CNTN6: variants seen among roughly 807,000 people sequenced by gnomAD.
The protein encoded by CNTN6 is contactin 6.
A neutral mutation model predicts 122.8 loss-of-function variants in CNTN6; 137 were observed. That is an observed-to-expected ratio of 1.12 (90% CI 0.97 to 1.29). The LOEUF is 1.29. Ranked by LOEUF, CNTN6 falls within the 50% of genes most tolerant of loss-of-function variation. CNTN6 has a pLI of 0.00. For synonymous variants in CNTN6, 570 were observed against 426.0 expected (o/e 1.34, Z -4.16); for missense variants, 1,634 against 1,223.4 (o/e 1.34, Z -5.01).
At chr3:1,175,872 T>C (rs762051493) in intron 2 of CNTN6, among the ~76,000 whole-genome samples, 25 of 152,228 alleles carry the variant, frequency 1.6e-4, no homozygotes, top group Non-Finnish European at 3.2e-4. Context: ...TGGTATTGCA[T>C]TTTATATAGA....
At chr3:1,191,047 T>G (rs1173542848) in intron 2 of CNTN6, among the ~76,000 whole-genome samples, 1 of 152,192 alleles carries the variant, frequency 6.6e-6, no homozygotes, top group Non-Finnish European at 1.5e-5. Flanking sequence ...GCAGATAACA[T>G]AAGAAGAAAT....
chr3:1,156,266 G>A (rs2092959664), intron 2 of CNTN6, among the ~76,000 whole-genome samples: 1 of 152,144 alleles, frequency 6.6e-6, no homozygotes, highest in South Asian at 2.1e-4. Context: ...TGTTCATTCT[G>A]ATTAATCCTC....
At chr3:1,321,861 A>G (rs779986260) in intron 8 of CNTN6, 27 bp downstream of exon 8, 2 of 1,541,998 alleles carry the variant, frequency 1.3e-6, no homozygotes, top group Admixed American at 1.9e-5. Context: ...TCAAATATAT[A>G]TAAAATATTT....
At chr3:1,136,265 TACTC>T (rs1367331572) in intron 1 of CNTN6, among the ~76,000 whole-genome samples, 5 of 152,268 alleles carry the variant, frequency 3.3e-5, no homozygotes, top group African/African-American at 7.2e-5. Flanking sequence ...TTCTAAGACT[TACTC>T]AAACTACATT....
chr3:1,259,015 G>A (rs1003601417), intron 4 of CNTN6, among the ~76,000 whole-genome samples: 1 of 152,094 alleles, frequency 6.6e-6, no homozygotes, highest in Non-Finnish European at 1.5e-5. Context: ...ATGTGGCTGT[G>A]TTCCAATAAA....
chr3:1,351,527 G>T (rs1207673851), intron 11 of CNTN6, among the ~76,000 whole-genome samples: 1 of 144,168 alleles, frequency 6.9e-6, no homozygotes, highest in Non-Finnish European at 1.5e-5. Flanking sequence ...ATTTGATGGT[G>T]AATTTTTCAG....
intron 1 of CNTN6, among the ~76,000 whole-genome samples, chr3:1,112,238 G>C (rs1206032179): frequency 6.6e-6 from 1 of 152,090 alleles, no homozygotes; most frequent in Non-Finnish European, 1.5e-5. Flanking sequence ...TGTTAGTCAG[G>C]GTCCTCCAGA....
chr3:1,343,733 A>G (rs1704232051), intron 11 of CNTN6, among the ~76,000 whole-genome samples: 1 of 152,102 alleles, frequency 6.6e-6, no homozygotes, highest in Non-Finnish European at 1.5e-5. Context: ...TATATAGCAT[A>G]ATGTATTTAA....
chr3:1,235,067 A>G (rs779031984), intron 4 of CNTN6, among the ~76,000 whole-genome samples: 1 of 152,298 alleles, frequency 6.6e-6, no homozygotes, highest in Non-Finnish European at 1.5e-5. Context: ...CTGGAAATCT[A>G]TTTATGTGTC....
At chr3:1,242,816 G>C (rs114585646) in intron 4 of CNTN6, among the ~76,000 whole-genome samples, 7,233 of 152,206 alleles carry the variant, frequency 0.048, 216 homozygotes, top group East Asian at 0.083. Flanking sequence ...AACTAAAAAA[G>C]AGTCCATAAA....
chr3:1,327,835 A>G (rs1701755248), intron 10 of CNTN6, among the ~76,000 whole-genome samples: 3 of 151,928 alleles, frequency 2.0e-5, no homozygotes, highest in Admixed American at 2.0e-4. Context: ...TCCAAAGCTG[A>G]TTCTAGCATG....
rs13317622 is a variant in CNTN6 at position 1,132,199 on chromosome 3, C to T, written c.-82-15728C>T. Among the ~76,000 whole-genome samples the T allele has an allele frequency of 6.0e-3, 919 of 152,142 alleles. 7 individuals carry two copies. The highest frequency in any genetic ancestry group is 0.021 in the African/African-American group (862 of 41,504). On this transcript the variant is annotated intron_variant, in intron 1 of 22. Coordinates refer to ENST00000446702, the MANE Select transcript of CNTN6 (RefSeq NM_001289080.2). ...CTTTTACTCTAAAAACTCTGAATAA[C>T]ATCTTGTAATATGATCAATACTTTT...
chr3:1,354,298 T>C (rs1386572912), intron 12 of CNTN6, among the ~76,000 whole-genome samples: 3 of 149,002 alleles, frequency 2.0e-5, no homozygotes, highest in East Asian at 2.0e-4. Flanking sequence ...TCCATAAATC[T>C]AACCATAATC....
intron 6 of CNTN6, 93 bp from the exon 7 acceptor site, chr3:1,297,793 TAAG>T (rs1342036007): frequency 2.0e-5 from 19 of 938,326 alleles, no homozygotes; most frequent in Non-Finnish European, 3.1e-5. Flanking sequence ...TAACTCTTAT[TAAG>T]AAGAAATAAT....
At chr3:1,096,638 T>A (rs1002324701) in intron 1 of CNTN6, among the ~76,000 whole-genome samples, 2 of 152,218 alleles carry the variant, frequency 1.3e-5, no homozygotes, top group African/African-American at 4.8e-5. Context: ...CACAACCTTC[T>A]GTATTGTGAT....
At chr3:1,138,395 C>T (rs2092533591) in intron 1 of CNTN6, among the ~76,000 whole-genome samples, 1 of 151,936 alleles carries the variant, frequency 6.6e-6, no homozygotes, top group South Asian at 2.1e-4. Context: ...GCCACTTTTA[C>T]TCACTCTACT....
intron 7 of CNTN6, among the ~76,000 whole-genome samples, chr3:1,299,926 A>T (rs1696902945): frequency 6.6e-6 from 1 of 152,196 alleles, no homozygotes; most frequent in Non-Finnish European, 1.5e-5. Flanking sequence ...AAGACTTGGC[A>T]TTTATGTAAT....
chr3:1,266,614 G>C (rs932284916), intron 4 of CNTN6, among the ~76,000 whole-genome samples: 2 of 152,142 alleles, frequency 1.3e-5, no homozygotes, highest in African/African-American at 4.8e-5. Flanking sequence ...CTAACTTTCT[G>C]ATTAAACCAT....
intron 4 of CNTN6, among the ~76,000 whole-genome samples, chr3:1,239,741 C>A (rs2136147): frequency 1.3e-5 from 2 of 151,902 alleles, no homozygotes; most frequent in Non-Finnish European, 2.9e-5. Context: ...AAAGAACACA[C>A]TGGGAGGCAT....
Sources: gnomAD v4.1 joint callset for allele counts (sites outside exome capture counted in the v4.1 genomes callset) on GRCh38, gnomAD v4.1.1 for gene constraint, MANE v1.5 for transcripts, NCBI Gene and HGNC (gene_info 2026-07-23, HGNC 2026-07-21) for gene names.